Variants in KLF17 observed in about 807,000 individuals in gnomAD.
KLF17 encodes KLF transcription factor 17, also known as Krueppel-like factor 17.
A neutral mutation model predicts 34.2 loss-of-function variants in KLF17; 31 were observed. The ratio of observed to expected loss-of-function variants is 0.91; its 90% confidence interval spans 0.68 to 1.22. KLF17 has a LOEUF of 1.22. Ranked by LOEUF, KLF17 falls within the 50% of genes most tolerant of loss-of-function variation. The pLI, the probability that KLF17 is intolerant of heterozygous loss-of-function variation, is 0.00. For missense variants in KLF17, 478 were observed against 505.2 expected, an observed-to-expected ratio of 0.95 and a Z score of 0.52; for synonymous variants, 179 against 186.7, an observed-to-expected ratio of 0.96 and a Z score of 0.34.
At chr1:44,055,006 C>G in the KLF17 span, among the ~76,000 whole-genome samples, 6 of 151,990 alleles carry the variant, frequency 3.9e-5, 1 homozygote, top group South Asian at 1.2e-3. Context: ...GTCTTGATCT[C>G]CTGACCTCGT....
chr1:44,103,506 G>C, the KLF17 span: 4 of 1,101,368 alleles, frequency 3.6e-6, no homozygotes, highest in Admixed American at 1.7e-5. Flanking sequence ...CGAGCTCAGC[G>C]CACCTGCATA....
the KLF17 span, among the ~76,000 whole-genome samples, chr1:44,109,343 C>T: frequency 6.6e-6 from 1 of 152,140 alleles, no homozygotes; most frequent in Admixed American, 6.6e-5. Context: ...AGCTGAACTC[C>T]TAATACTTTA....
chr1:44,070,656 G>A, the KLF17 span, among the ~76,000 whole-genome samples: 3 of 144,464 alleles, frequency 2.1e-5, no homozygotes, highest in Non-Finnish European at 4.5e-5. Context: ...TGGAGTGCAG[G>A]GGCATGATCA....
chr1:44,094,308 G>A, the KLF17 span, among the ~76,000 whole-genome samples: 1 of 151,944 alleles, frequency 6.6e-6, no homozygotes, highest in Non-Finnish European at 1.5e-5. Context: ...TCTTTTCTTT[G>A]TTAATTGTTT....
the KLF17 span, among the ~76,000 whole-genome samples, chr1:44,058,481 G>A: frequency 1.3e-5 from 2 of 151,826 alleles, no homozygotes; most frequent in Admixed American, 6.6e-5. Context: ...AGTAGAGATG[G>A]GCTTTCACCA....
At chr1:44,094,091 C>T in the KLF17 span, among the ~76,000 whole-genome samples, 1 of 152,130 alleles carries the variant, frequency 6.6e-6, no homozygotes, top group African/African-American at 2.4e-5. Context: ...TTTTCATATA[C>T]CACGATTTTG....
upstream of KLF17, among the ~76,000 whole-genome samples, chr1:44,116,444 C>T (rs2154311169): frequency 6.6e-6 from 1 of 152,314 alleles, no homozygotes; most frequent in South Asian, 2.1e-4. Flanking sequence ...GTTTCTATAT[C>T]AGTTTCTCCT....
chr1:44,126,838 A>T (rs552269040), intron 1 of KLF17, among the ~76,000 whole-genome samples: 33 of 152,116 alleles, frequency 2.2e-4, no homozygotes, highest in African/African-American at 6.5e-4. Flanking sequence ...AGCTAGAAAA[A>T]AAATATATAT....
chr1:44,116,833 A>G (rs942329614), upstream of KLF17, among the ~76,000 whole-genome samples: 1 of 152,144 alleles, frequency 6.6e-6, no homozygotes, highest in African/African-American at 2.4e-5. Context: ...TACCATCTCT[A>G]TGCTGACAAC....
chr1:44,118,791 G>T, upstream of KLF17: 1 of 783,412 alleles, frequency 1.3e-6, no homozygotes, highest in South Asian at 2.2e-5. Flanking sequence ...TGGCGCAGCT[G>T]TAAATAGGTA....
chr1:44,113,441 A>AAGTTCTCTGTACTCAATC, the KLF17 span, among the ~76,000 whole-genome samples: 1 of 152,190 alleles, frequency 6.6e-6, no homozygotes, highest in Non-Finnish European at 1.5e-5. Flanking sequence ...GTTCTCTACT[A>AAGTTCTCTGTACTCAATC]AGTTCTCTGT....
the KLF17 span, among the ~76,000 whole-genome samples, chr1:44,102,064 A>C: frequency 6.6e-6 from 1 of 152,042 alleles, no homozygotes; most frequent in Non-Finnish European, 1.5e-5. Flanking sequence ...CAAACAAACA[A>C]AAGAGTGGAA....
At chr1:44,085,603 G>A in the KLF17 span, among the ~76,000 whole-genome samples, 1 of 151,826 alleles carries the variant, frequency 6.6e-6, no homozygotes, top group Non-Finnish European at 1.5e-5. Context: ...GACTAGCCTA[G>A]GCAACATAGT....
At chr1:44,127,704 CT>C (rs1483178790) in intron 1 of KLF17, among the ~76,000 whole-genome samples, 2 of 105,400 alleles carry the variant, frequency 1.9e-5, no homozygotes, top group Non-Finnish European at 3.7e-5. Flanking sequence ...TTCTTTCTTT[CT>C]TTCTTTCTTC....
At chr1:44,114,718 C>T (rs1433253837), upstream of KLF17, 1 of 152,104 alleles carries the variant, frequency 6.6e-6, no homozygotes, top group African/African-American at 2.4e-5. Context: ...ATAATAGATC[C>T]AACTAAAAGT....
At chr1:44,082,453 C>T in the KLF17 span, among the ~76,000 whole-genome samples, 2 of 151,346 alleles carry the variant, frequency 1.3e-5, no homozygotes, top group African/African-American at 2.4e-5. Flanking sequence ...TGTGTGCATT[C>T]GGAGGGTTTT....
rs370566517 is a variant in KLF17 at position 44,129,600 on chromosome 1, G to A, written c.329G>A (p.Arg110Gln). Residue 110 changes from arginine (R) to glutamine (Q), a missense_variant, in exon 2 of 4, where the codon CGG (arginine) becomes CAG (glutamine). By Grantham distance (43) the Arg-to-Gln change is conservative. Transcript: ENST00000372299. ...CCCCAAGCGACTCTCACTCCTTCCC[G>A]GATGATTTACTGTCAGAGAATGTCT... ...YCPQATLTPSRMIYCQRMSPP... is the reference protein window; with the variant it reads ...YCPQATLTPSQMIYCQRMSPP... The A allele has an allele frequency of 2.1e-5, 34 of 1,613,994 alleles. No homozygotes were observed. The highest frequency in any genetic ancestry group is 1.8e-4 in the Admixed American group (11 of 59,992).
chr1:44,082,588 T>C, the KLF17 span, among the ~76,000 whole-genome samples: 4 of 152,176 alleles, frequency 2.6e-5, no homozygotes, highest in African/African-American at 4.8e-5. Context: ...CACTCAGAGA[T>C]AGGAAGTTTC....
Position 44,129,943 on chromosome 1 carries a change from A to G in KLF17, c.672A>G (p.Pro224=), listed in dbSNP as rs1298327762. Residue 224 remains proline (P), a synonymous_variant, in exon 2 of 4, where the codon CCA becomes CCG. Coordinates refer to ENST00000372299, the MANE Select transcript of KLF17 (RefSeq NM_173484.4). ...PQDAHDLGMP[P]AESQSLLVLG... is the part of the protein sequence containing the mutation. ...ATGCCCATGACCTTGGGATGCCCCC[A>G]GCTGAGTCCCAGTCATTGCTGGTTT... 1 of 1,614,164 alleles carries G rather than the reference A, an allele frequency of 6.2e-7. No individual in the cohort carries two copies. Among genetic ancestry groups the G allele is most frequent in the Non-Finnish European group, 8.5e-7 (1 of 1,180,038 alleles).
Sources: allele counts gnomAD v4.1 joint callset (sites outside exome capture counted in the v4.1 genomes callset), GRCh38; gene constraint gnomAD v4.1.1; transcripts MANE v1.5; gene names NCBI Gene and HGNC (gene_info 2026-07-23, HGNC 2026-07-21).